The following AGAP4 variants were observed in gnomAD, a reference collection of about 807,000 sequenced individuals.
The protein encoded by AGAP4 is ArfGAP with GTPase domain, ankyrin repeat and PH domain 4.
In AGAP4, 13 loss-of-function variants were observed where a neutral mutation model predicts 60.7. The observed-to-expected ratio is 0.21, with a 90% confidence interval of 0.14 to 0.34. The LOEUF (loss-of-function observed/expected upper bound fraction) is 0.34, where lower values mean the gene tolerates loss of function less well. AGAP4 is among the 10% of genes least tolerant of loss of function. AGAP4 has a pLI of 1.00. For synonymous variants in AGAP4, 70 were observed against 339.0 expected (o/e 0.21, Z 8.72); for missense variants, 169 against 884.0 (o/e 0.19, Z 10.26).
At position 45,834,855 on chromosome 10, in the gene AGAP4, G is replaced by T. The variant is rs1203533936; in HGVS notation, c.397-739C>A. Among the ~76,000 whole-genome samples, 12 of 146,182 alleles carry T rather than the reference G, an allele frequency of 8.2e-5. No homozygotes were observed. In the East Asian group the frequency reaches 2.2e-3, roughly 27 times the overall value. ...GTGGCGCGATCTCGGCTCACTGCAA[G>T]CTCCGCCTCCCGGGTTCACGCCATT... is the stretch of plus-strand genomic sequence containing the variant. On this transcript the variant is annotated intron_variant, in intron 4 of 7. Coordinates refer to ENST00000616763, the MANE Select transcript of AGAP4 (RefSeq NM_001276343.3).
At chr10:45,830,304 C>T (rs1325271295) in intron 6 of AGAP4, among the ~76,000 whole-genome samples, 1 of 134,492 alleles carries the variant, frequency 7.4e-6, no homozygotes, top group Non-Finnish European at 1.6e-5. Context: ...TCCCAAGTAA[C>T]TGGGACTACA....
chr10:45,847,629 A>G, upstream of AGAP4: 3 of 1,394,666 alleles, frequency 2.2e-6, no homozygotes, highest in Admixed American at 3.0e-5. Flanking sequence ...TGTGAACCCA[A>G]CAAGTGCTGA....
chr10:45,846,008 A>C (rs1265943828), intron 2 of AGAP4, among the ~76,000 whole-genome samples: 12 of 115,088 alleles, frequency 1.0e-4, no homozygotes, highest in African/African-American at 4.1e-4. Context: ...GGAAGGTCTG[A>C]CATTTTAACC....
chr10:45,829,246 T>C (rs1371342297), intron 6 of AGAP4, among the ~76,000 whole-genome samples: 1 of 127,746 alleles, frequency 7.8e-6, no homozygotes, highest in Non-Finnish European at 1.7e-5. Flanking sequence ...CTTAAGAATG[T>C]CTTTGATGAA....
chr10:45,841,838 G>C, intron 3 of AGAP4, 151 bp from the exon 4 acceptor site: 1 of 641,904 alleles, frequency 1.6e-6, no homozygotes. Context: ...TAAATTATCT[G>C]GCATGATTAA....
At chr10:45,853,040 T>C (rs1270781151) in intron 1 of AGAP4, among the ~76,000 whole-genome samples, 4 of 152,056 alleles carry the variant, frequency 2.6e-5, no homozygotes, top group Admixed American at 2.6e-4. Flanking sequence ...TGCAAGCATA[T>C]ATGAAAAACT....
intron 7 of AGAP4, among the ~76,000 whole-genome samples, chr10:45,827,811 C>T (rs1590012822): frequency 1.7e-5 from 1 of 57,430 alleles, no homozygotes; most frequent in African/African-American, 5.3e-5. Context: ...AAAAAAGATA[C>T]ATTTTCTGTT....
Position 45,844,498 on chromosome 10 carries a change from T to G in AGAP4, c.293-104A>C, listed in dbSNP as rs2058969856. 2.6e-6 allele frequency: 4 copies of G among 1,545,246 alleles called. No individual in the cohort carries two copies. In the Admixed American group the frequency reaches 7.6e-5, roughly 29 times the overall value. ...ATTTAGGCTATTTCACTATCTCTAC[T>G]TTGATTCTTATCCATTGAAATGAAT... On this transcript the variant is annotated intron_variant, in intron 2 of 7. Transcript: ENST00000616763.
At chr10:45,847,507 C>A (rs1378332282), upstream of AGAP4, 6 of 1,524,856 alleles carry the variant, frequency 3.9e-6, no homozygotes, top group East Asian at 2.4e-5. Flanking sequence ...AGCCCTGGCC[C>A]TGGCCCTGGC....
Sources: gnomAD v4.1 joint callset for allele counts (sites outside exome capture counted in the v4.1 genomes callset) on GRCh38, gnomAD v4.1.1 for gene constraint, MANE v1.5 for transcripts, NCBI Gene and HGNC (gene_info 2026-07-23, HGNC 2026-07-21) for gene names.